Variants in VPS39 observed in about 807,000 individuals in gnomAD.
VPS39 encodes the protein vam6/Vps39-like protein.
VPS39 carries 70 observed loss-of-function variants against 121.0 expected under a neutral mutation model. The observed-to-expected ratio is 0.58, with a 90% CI of 0.48 to 0.71. The LOEUF (loss-of-function observed/expected upper bound fraction) is 0.71, where lower values mean the gene tolerates loss of function less well. Among genes scored for constraint, VPS39 ranks in the 30% least tolerant of loss-of-function variants. The pLI, the probability that VPS39 is intolerant of heterozygous loss-of-function variation, is 0.00. For missense variants in VPS39, 818 were observed against 1,051.5 expected (o/e 0.78, Z 3.07); for synonymous variants, 378 against 398.1 (o/e 0.95, Z 0.60).
In VPS39 at chr15:42,164,341, C is replaced by T. The variant is rs753512445; in HGVS notation, c.2026+17G>A. 1 of 1,613,900 alleles carries T rather than the reference C, an allele frequency of 6.2e-7. No individual in the cohort carries two copies. The highest frequency in any genetic ancestry group is 1.1e-5 in the South Asian group (1 of 91,056). On this transcript the variant is annotated intron_variant, in intron 19 of 24. Coordinates refer to ENST00000318006, the MANE Select transcript of VPS39 (RefSeq NM_015289.5). The stretch of plus-strand genomic sequence containing the variant: ...ACCTTCGCTGAAGTGGCTTCTGGCC[C>T]TAAGCCAGACACTCACCATCAAAGG...
Position 42,159,885 on chromosome 15 carries a change from A to C in VPS39, c.*869T>G, listed in dbSNP as rs1468928711. The C allele has an allele frequency of 6.6e-6, 1 of 152,330 alleles. No individual in the cohort carries two copies. Among genetic ancestry groups the C allele is most frequent in the Non-Finnish European group, 1.5e-5 (1 of 68,114 alleles). 9.4% of individuals were successfully genotyped at this position (152,330 alleles called of 1,614,324 possible). On this transcript the variant is annotated 3_prime_UTR_variant, in exon 25 of 25. Coordinates refer to ENST00000318006, the MANE Select transcript of VPS39 (RefSeq NM_015289.5). The stretch of plus-strand genomic sequence containing the variant: ...ACGGAGCAGGCACCTCTGTGGGAAC[A>C]TGTATCTAGGGATCACGCATACCCC...
At chr15:42,199,355 C>T (rs955694271) in intron 2 of VPS39, among the ~76,000 whole-genome samples, 15 of 152,060 alleles carry the variant, frequency 9.9e-5, no homozygotes, top group Non-Finnish European at 1.3e-4. Flanking sequence ...TTATTGCATC[C>T]ACCCCAACAA....
chr15:42,162,135 A>T lies in VPS39; in HGVS notation c.2357T>A (p.Ile786Asn). The change falls in exon 23 of 25, where the codon ATC (isoleucine) becomes AAC (asparagine). Residue 786 changes from isoleucine (I) to asparagine (N), a missense_variant. Coordinates refer to ENST00000318006, the MANE Select transcript of VPS39 (RefSeq NM_015289.5). ...TTCCAGGAAGATGCGTATGTCATTG[A>T]TCTGAGTGTTTGCTGGCAGAAGGTT... ...ALNLLPANTQ[I>N]NDIRIFLEKV... is the part of the protein sequence containing the mutation. 1 of 1,614,160 alleles carries T rather than the reference A, an allele frequency of 6.2e-7. No individual in the cohort carries two copies. The highest frequency in any genetic ancestry group is 8.5e-7 in the Non-Finnish European group (1 of 1,180,028).
intron 21 of VPS39, 175 bp from the exon 22 acceptor site, chr15:42,162,656 G>A (rs1173088676): frequency 3.1e-6 from 2 of 647,100 alleles, no homozygotes; most frequent in East Asian, 3.1e-5. Flanking sequence ...AACTGAAGAT[G>A]TTAATTAAGG....
chr15:42,181,709 T>TC (rs2049583994), intron 8 of VPS39, among the ~76,000 whole-genome samples: 1 of 151,636 alleles, frequency 6.6e-6, no homozygotes, highest in Non-Finnish European at 1.5e-5. Context: ...TTTCTAATTA[T>TC]CCTTTTTTTT....
intron 11 of VPS39, among the ~76,000 whole-genome samples, chr15:42,173,350 C>T (rs2049383185): frequency 6.6e-6 from 1 of 152,210 alleles, no homozygotes. Flanking sequence ...ATGGCACTGC[C>T]CTGTGTTGGC....
At chr15:42,207,430 T>C (rs2050196933) in intron 1 of VPS39, among the ~76,000 whole-genome samples, 1 of 152,214 alleles carries the variant, frequency 6.6e-6, no homozygotes, top group Non-Finnish European at 1.5e-5. Flanking sequence ...CCTTCTGCAC[T>C]AGTCAATCCC....
intron 6 of VPS39, 26 bp downstream of exon 6, chr15:42,187,732 C>G (rs373107982): frequency 1.9e-6 from 3 of 1,611,568 alleles, no homozygotes; most frequent in Non-Finnish European, 2.5e-6. Context: ...CCCACCCAAC[C>G]ATGGACCAAG....
Position 42,184,674 on chromosome 15 carries a change from C to T in VPS39, c.561G>A (p.Glu187=). 1.2e-6 allele frequency: 2 copies of T among 1,613,368 alleles called. No homozygotes were observed. Among genetic ancestry groups the T allele is most frequent in the Middle Eastern group, 1.7e-4 (1 of 6,056 alleles). Residue 187 remains glutamate, a synonymous_variant, in exon 8 of 25, where the codon GAG becomes GAA. Coordinates refer to ENST00000318006, the MANE Select transcript of VPS39 (RefSeq NM_015289.5). ...CCAGCTGTTTTCCTGTTGGAAAGAG[C>T]TCTTTGATGGACCCCTTTCCATCCA... ...IRVDGKGSIK[E]LFPTGKQLEP... is the part of the protein sequence containing the mutation.
chr15:42,166,951 T>G, intron 13 of VPS39, 38 bp from the exon 14 acceptor site: 1 of 1,611,886 alleles, frequency 6.2e-7, no homozygotes, highest in Non-Finnish European at 8.5e-7. Context: ...AACTGCTTCC[T>G]GGGGAGCCCC....
chr15:42,174,447 C>A (rs571850436), intron 10 of VPS39, among the ~76,000 whole-genome samples: 39 of 152,178 alleles, frequency 2.6e-4, no homozygotes, highest in Admixed American at 2.6e-3. Flanking sequence ...TGTCACAGAC[C>A]AGAGGACACT....
At chr15:42,187,510 T>C (rs575010721) in intron 6 of VPS39, 147 bp from the exon 7 acceptor site, 109 of 787,400 alleles carry the variant, frequency 1.4e-4, no homozygotes, top group Non-Finnish European at 2.0e-4. Context: ...GAAACTACCC[T>C]TAATAAAAAT....
chr15:42,167,365 T>C (rs1404296902), intron 13 of VPS39, 29 bp downstream of exon 13: 1 of 1,612,326 alleles, frequency 6.2e-7, no homozygotes, highest in South Asian at 1.1e-5. Flanking sequence ...AACTGGGAAT[T>C]GTGGCACCCG....
chr15:42,166,870 T>C lies in VPS39; in HGVS notation c.1421A>G (p.Asn474Ser). Residue 474 changes from asparagine (N) to serine (S), a missense_variant, in exon 14 of 25, where the codon AAT (asparagine) becomes AGT (serine). Asn to Ser is a conservative substitution (Grantham distance 46). Transcript: ENST00000318006. ...LVAPLLRLEN[N>S]HCHIEESEHV... is the part of the protein sequence containing the mutation. ...CTCGCTCTCCTCGATGTGGCAGTGA[T>C]TGTTCTCCAGGCGTAGCAAGGGGGC... 6.2e-7 allele frequency: 1 copy of C among 1,614,246 alleles called. No homozygotes were observed. Among genetic ancestry groups the C allele is most frequent in the Non-Finnish European group, 8.5e-7 (1 of 1,180,042 alleles).
intron 7 of VPS39, 44 bp from the exon 8 acceptor site, chr15:42,184,744 G>A (rs1200427656): frequency 6.4e-7 from 1 of 1,565,350 alleles, no homozygotes; most frequent in East Asian, 2.3e-5. Context: ...TCCCCAGCCA[G>A]AGGTAAGAAC....
At chr15:42,191,992 T>G in intron 2 of VPS39, 1 of 1,493,206 alleles carries the variant, frequency 6.7e-7, no homozygotes. Context: ...CTAACTAAGT[T>G]CTGTATCACG....
At chr15:42,164,798 A>G (rs1404617835) in intron 18 of VPS39, 198 bp downstream of exon 18, 1 of 1,433,604 alleles carries the variant, frequency 7.0e-7, no homozygotes, top group African/African-American at 1.4e-5. Context: ...AGACACTCAG[A>G]GATGCCAGGA....
chr15:42,181,047 T>C (rs1359323308), intron 8 of VPS39, among the ~76,000 whole-genome samples: 3 of 152,156 alleles, frequency 2.0e-5, no homozygotes, highest in African/African-American at 7.2e-5. Flanking sequence ...AAAATCAGGA[T>C]TTCAAGGAGA....
chr15:42,167,477 G>A lies in VPS39; in HGVS notation c.1294C>T (p.Leu432Phe), dbSNP rs775098781. The change falls in exon 13 of 25, where the codon CTC becomes TTC. Residue 432 changes from leucine to phenylalanine, a missense_variant. Coordinates refer to ENST00000318006, the MANE Select transcript of VPS39 (RefSeq NM_015289.5). ...TTGATGGTGGGAGTGCCTTCCATGA[G>A]CGGTGAGGTGCTTGACTGGTGATCA... ...DSDHQSSTSP[L>F]MEGTPTIKSK... 6.2e-7 allele frequency: 1 copy of A among 1,614,122 alleles called. No individual in the cohort carries two copies.
Sources: allele counts gnomAD v4.1 joint callset (sites outside exome capture counted in the v4.1 genomes callset), GRCh38; gene constraint gnomAD v4.1.1; transcripts MANE v1.5; gene names NCBI Gene and HGNC (gene_info 2026-07-23, HGNC 2026-07-21).